Variants in HECW1 observed in about 807,000 individuals in gnomAD.
The protein encoded by HECW1 is E3 ubiquitin-protein ligase HECW1.
Under a neutral mutation model 182.3 loss-of-function variants are expected in HECW1, and 61 were observed. The observed-to-expected ratio is 0.33, with a 90% CI of 0.27 to 0.41. The LOEUF (loss-of-function observed/expected upper bound fraction) is 0.41. Among genes scored for constraint, HECW1 ranks in the 10% least tolerant of loss-of-function variants. The probability of loss-of-function intolerance (pLI) is 1.00; values close to 1 mark genes in which losing one functional copy is unlikely to be tolerated. For missense variants in HECW1, 1,739 were observed against 2,108.9 expected (o/e 0.82, Z 3.44); for synonymous variants, 859 against 832.6 (o/e 1.03, Z -0.55).
chr7:43,457,466 A>G (rs76346215), intron 13 of HECW1, among the ~76,000 whole-genome samples: 26,281 of 152,198 alleles, frequency 0.17, 2,650 homozygotes, highest in South Asian at 0.22. Context: ...AGGAGAAACA[A>G]TTTAGTCCTA....
chr7:43,186,000 A>G (rs1448529247), intron 2 of HECW1, among the ~76,000 whole-genome samples: 1 of 152,092 alleles, frequency 6.6e-6, no homozygotes, highest in African/African-American at 2.4e-5. Flanking sequence ...GAACCCTTAG[A>G]TGTATTGCAG....
chr7:43,544,265 C>A (rs546678641), intron 26 of HECW1, among the ~76,000 whole-genome samples: 1 of 152,246 alleles, frequency 6.6e-6, no homozygotes, highest in African/African-American at 2.4e-5. Flanking sequence ...AAGACTATTT[C>A]TTTCAATATC....
chr7:43,394,573 A>G (rs577025608), intron 6 of HECW1, among the ~76,000 whole-genome samples: 1 of 152,326 alleles, frequency 6.6e-6, no homozygotes, highest in South Asian at 2.1e-4. Context: ...TAAAACAGGA[A>G]CAAAGGAGGA....
chr7:43,188,051 G>A (rs1189533364), intron 2 of HECW1, among the ~76,000 whole-genome samples: 3 of 152,170 alleles, frequency 2.0e-5, no homozygotes, highest in African/African-American at 7.2e-5. Flanking sequence ...CATAACAAAT[G>A]TCCTGATGAC....
chr7:43,143,601 A>G (rs945809374), intron 2 of HECW1, among the ~76,000 whole-genome samples: 4 of 152,098 alleles, frequency 2.6e-5, no homozygotes, highest in Admixed American at 2.6e-4. Context: ...CCTCCTTTAG[A>G]TGCCAGCTCT....
chr7:43,394,357 G>A (rs1430839073), intron 6 of HECW1, among the ~76,000 whole-genome samples: 1 of 152,178 alleles, frequency 6.6e-6, no homozygotes, highest in Non-Finnish European at 1.5e-5. Flanking sequence ...CCTCTGATGT[G>A]AAGAAGGCTA....
intron 2 of HECW1, among the ~76,000 whole-genome samples, chr7:43,191,866 C>A (rs1384971952): frequency 6.6e-6 from 1 of 152,094 alleles, no homozygotes; most frequent in Non-Finnish European, 1.5e-5. Flanking sequence ...ACACAAGGTG[C>A]AAAATACATT....
At chr7:43,494,845 G>A (rs1475710620) in intron 19 of HECW1, among the ~76,000 whole-genome samples, 2 of 152,032 alleles carry the variant, frequency 1.3e-5, no homozygotes, top group Admixed American at 6.6e-5. Context: ...TAATGTCCAT[G>A]GTCTCAAAGT....
intron 29 of HECW1, among the ~76,000 whole-genome samples, chr7:43,556,785 G>A (rs1207232584): frequency 6.6e-6 from 1 of 151,954 alleles, no homozygotes; most frequent in African/African-American, 2.4e-5. Context: ...TGTTATCTGG[G>A]GTCACAGATT....
intron 3 of HECW1, among the ~76,000 whole-genome samples, chr7:43,283,047 G>A (rs1804125155): frequency 6.6e-6 from 1 of 151,960 alleles, no homozygotes; most frequent in South Asian, 2.1e-4. Context: ...GAACCTGGGA[G>A]GCAGAGGTTG....
chr7:43,561,739 C>T, intron 29 of HECW1, 76 bp from the exon 30 acceptor site: 3 of 1,015,098 alleles, frequency 3.0e-6, no homozygotes, highest in Non-Finnish European at 3.0e-6. Flanking sequence ...TGAATCACAA[C>T]TTCAGACAGT....
intron 24 of HECW1, among the ~76,000 whole-genome samples, chr7:43,525,747 G>A (rs200204580): frequency 6.6e-6 from 1 of 152,166 alleles, no homozygotes; most frequent in East Asian, 1.9e-4. Context: ...AACGATAAAT[G>A]GGAATCACTA....
intron 25 of HECW1, 45 bp downstream of exon 25, chr7:43,541,306 G>A (rs2081356690): frequency 6.9e-7 from 1 of 1,443,848 alleles, no homozygotes; most frequent in Non-Finnish European, 9.8e-7. Context: ...CCTGTCTGCA[G>A]GGCAAGGACA....
intron 28 of HECW1, among the ~76,000 whole-genome samples, chr7:43,552,632 A>G (rs544693788): frequency 1.3e-5 from 2 of 152,268 alleles, no homozygotes; most frequent in Admixed American, 6.5e-5. Flanking sequence ...GGATTTGCCT[A>G]TTCTGGATAT....
chr7:43,501,179 CTTTCTTTT>C, intron 20 of HECW1, 26 bp from the exon 21 acceptor site: 1 of 1,091,962 alleles, frequency 9.2e-7, no homozygotes, highest in Non-Finnish European at 1.3e-6. Context: ...ACTTTCTTTT[CTTTCTTTT>C]TTTTTTTTTT....
At chr7:43,220,274 C>T (rs972826628) in intron 2 of HECW1, among the ~76,000 whole-genome samples, 1 of 152,220 alleles carries the variant, frequency 6.6e-6, no homozygotes, top group African/African-American at 2.4e-5. Context: ...ACCTAGAATG[C>T]AACGCTTCCT....
chr7:43,431,499 A>G (rs1005520808), intron 8 of HECW1, among the ~76,000 whole-genome samples: 12 of 152,024 alleles, frequency 7.9e-5, no homozygotes, highest in African/African-American at 2.7e-4. Context: ...CTTGCCTGCT[A>G]GTCTCCCCAC....
intron 2 of HECW1, among the ~76,000 whole-genome samples, chr7:43,170,242 A>C (rs1791547641): frequency 6.6e-6 from 1 of 152,206 alleles, no homozygotes; most frequent in South Asian, 2.1e-4. Flanking sequence ...GTTACTGTAT[A>C]TATTAACATG....
At chr7:43,299,975 T>C (rs1309071243) in intron 3 of HECW1, among the ~76,000 whole-genome samples, 4 of 152,274 alleles carry the variant, frequency 2.6e-5, no homozygotes, top group Non-Finnish European at 4.4e-5. Flanking sequence ...TTGATGCTGT[T>C]GGACTTTTCC....
Sources: allele counts gnomAD v4.1 joint callset (sites outside exome capture counted in the v4.1 genomes callset), GRCh38; gene constraint gnomAD v4.1.1; transcripts MANE v1.5; gene names NCBI Gene and HGNC (gene_info 2026-07-23, HGNC 2026-07-21).